The following CLEC16A variants were observed in gnomAD, a reference collection of about 807,000 sequenced individuals.
CLEC16A encodes C-type lectin domain containing 16A, also known as protein CLEC16A.
CLEC16A carries 51 observed loss-of-function variants against 109.5 expected under a neutral mutation model. The ratio of observed to expected loss-of-function variants is 0.47; its 90% confidence interval spans 0.37 to 0.59. The LOEUF is 0.59. Ranked by LOEUF, CLEC16A falls within the 20% of genes least tolerant of loss-of-function variation. The pLI, the probability that CLEC16A is intolerant of heterozygous loss-of-function variation, is 0.00. For synonymous variants in CLEC16A, 673 were observed against 564.2 expected, an observed-to-expected ratio of 1.19 and a Z score of -2.73; for missense variants, 1,339 against 1,394.0, an observed-to-expected ratio of 0.96 and a Z score of 0.63.
chr16:11,176,608 C>T (rs751082187), intron 23 of CLEC16A, among the ~76,000 whole-genome samples: 10 of 152,258 alleles, frequency 6.6e-5, no homozygotes, highest in East Asian at 1.9e-4. Flanking sequence ...TGTGGTGACA[C>T]GGGCCTGTAG....
intron 19 of CLEC16A, among the ~76,000 whole-genome samples, chr16:11,082,030 T>TA (rs1382386861): frequency 2.6e-5 from 4 of 151,938 alleles, no homozygotes; most frequent in Admixed American, 2.6e-4. Flanking sequence ...AGAATCCGTC[T>TA]AAAAAAAAGA....
rs35679277 is a variant in CLEC16A at position 11,026,645 on chromosome 16, GTTTT to G, written c.1537+1739_1537+1742del. Among the ~76,000 whole-genome samples, 672 of 106,432 alleles carry G rather than the reference GTTTT, an allele frequency of 6.3e-3. 5 individuals are homozygous for G. Among genetic ancestry groups the G allele is most frequent in the African/African-American group, 0.023 (640 of 27,362 alleles). 69.8% of individuals were successfully genotyped at this position (106,432 alleles called of 152,430 possible). Reference sequence around the variant, plus strand: ...ATTTCTGTTCTTATGTTTGTTTGGGGTTTTTTTTTTTTTTTTTTGCCTTCTGCTG... The same window carrying G: ...ATTTCTGTTCTTATGTTTGTTTGGGGTTTTTTTTTTTTTTGCCTTCTGCTG... On this transcript the variant is annotated intron_variant, in intron 13 of 23. Transcript: ENST00000409790.
intron 17 of CLEC16A, 96 bp downstream of exon 17, chr16:11,047,438 C>G: frequency 1.2e-6 from 1 of 832,868 alleles, no homozygotes; most frequent in Non-Finnish European, 1.8e-6. Flanking sequence ...TGACTTAGGG[C>G]TTTGTGACCA....
At chr16:10,981,168 T>TCA (rs1231142240) in intron 9 of CLEC16A, among the ~76,000 whole-genome samples, 1 of 152,228 alleles carries the variant, frequency 6.6e-6, no homozygotes, top group African/African-American at 2.4e-5. Context: ...TTGTAGGTGC[T>TCA]CACTGAATGC....
chr16:11,000,179 G>A (rs2044586024), intron 10 of CLEC16A, among the ~76,000 whole-genome samples: 1 of 152,116 alleles, frequency 6.6e-6, no homozygotes, highest in African/African-American at 2.4e-5. Flanking sequence ...TGGTTCTAGG[G>A]GGCCAGAATT....
chr16:10,953,471 T>A (rs2041833058), intron 1 of CLEC16A, among the ~76,000 whole-genome samples: 1 of 152,178 alleles, frequency 6.6e-6, no homozygotes, highest in Non-Finnish European at 1.5e-5. Flanking sequence ...TAAGAACCTC[T>A]TAAGCTTGAT....
At chr16:10,994,962 C>T (rs1021489177) in intron 10 of CLEC16A, among the ~76,000 whole-genome samples, 2 of 152,208 alleles carry the variant, frequency 1.3e-5, no homozygotes, top group African/African-American at 4.8e-5. Flanking sequence ...TGCACCTGGG[C>T]ACTGGGGCTA....
chr16:11,126,246 A>G (rs774074696), intron 22 of CLEC16A, 100 bp downstream of exon 22: 1 of 1,572,266 alleles, frequency 6.4e-7, no homozygotes, highest in Non-Finnish European at 8.6e-7. Flanking sequence ...TTCCTCTCTC[A>G]GAAGCCCCGT....
chr16:11,075,323 G>A (rs1338837892), intron 19 of CLEC16A, among the ~76,000 whole-genome samples: 1 of 152,046 alleles, frequency 6.6e-6, no homozygotes, highest in African/African-American at 2.4e-5. Context: ...CCAGGGAGGG[G>A]CAGGGGTCCT....
At chr16:11,070,087 T>C (rs1296685433) in intron 19 of CLEC16A, among the ~76,000 whole-genome samples, 2 of 151,976 alleles carry the variant, frequency 1.3e-5, no homozygotes, top group Admixed American at 1.3e-4. Context: ...TTTTTTTTTT[T>C]TGAGACGGAG....
At chr16:11,147,517 T>G (rs1170920861) in intron 22 of CLEC16A, among the ~76,000 whole-genome samples, 1 of 152,114 alleles carries the variant, frequency 6.6e-6, no homozygotes, top group Non-Finnish European at 1.5e-5. Flanking sequence ...CAGAGCAGGG[T>G]TAGGAGTAAA....
intron 18 of CLEC16A, among the ~76,000 whole-genome samples, chr16:11,058,026 T>C (rs538548613): frequency 3.3e-5 from 5 of 152,362 alleles, no homozygotes; most frequent in Admixed American, 2.6e-4. Flanking sequence ...TTATGGCTCT[T>C]ATGCTCATAT....
chr16:11,028,284 A>G (rs1485190385), intron 13 of CLEC16A, among the ~76,000 whole-genome samples: 1 of 152,364 alleles, frequency 6.6e-6, no homozygotes, highest in Non-Finnish European at 1.5e-5. Flanking sequence ...AGTGTTTTCT[A>G]CATTGGGTGC....
intron 6 of CLEC16A, 45 bp from the exon 7 acceptor site, chr16:10,972,892 TA>T: frequency 6.5e-7 from 1 of 1,542,274 alleles, no homozygotes; most frequent in Non-Finnish European, 8.7e-7. Flanking sequence ...TTCCCCAAGT[TA>T]TTTTTGGTAG....
At chr16:11,112,211 G>T (rs1315585112) in intron 19 of CLEC16A, among the ~76,000 whole-genome samples, 1 of 152,228 alleles carries the variant, frequency 6.6e-6, no homozygotes, top group East Asian at 1.9e-4. Context: ...AAAATGCACA[G>T]TGGACAGGCA....
At chr16:11,161,210 G>T (rs2054709761) in intron 22 of CLEC16A, among the ~76,000 whole-genome samples, 1 of 152,110 alleles carries the variant, frequency 6.6e-6, no homozygotes. Context: ...AAACATCTTT[G>T]CAGTCAAATT....
At chr16:11,135,037 CGTTCCTGCACAGGTTTGTCCCTGGT>C (rs1370024081) in intron 22 of CLEC16A, among the ~76,000 whole-genome samples, 1 of 152,232 alleles carries the variant, frequency 6.6e-6, no homozygotes, top group Admixed American at 6.5e-5. Flanking sequence ...GTGCAGGGCT[CGTTCCTGCACAGGTTTGTCCCTGGT>C]GTGCATGAAC....
chr16:11,147,026 C>G (rs931735272), intron 22 of CLEC16A, among the ~76,000 whole-genome samples: 1 of 152,120 alleles, frequency 6.6e-6, no homozygotes, highest in African/African-American at 2.4e-5. Flanking sequence ...GAAGGCTTCT[C>G]TGAGGAAAGG....
chr16:11,102,843 A>G (rs2050999240), intron 19 of CLEC16A, among the ~76,000 whole-genome samples: 1 of 152,260 alleles, frequency 6.6e-6, no homozygotes, highest in Non-Finnish European at 1.5e-5. Context: ...TTGAGTTTTC[A>G]TAGTAACACT....
Sources: allele counts gnomAD v4.1 joint callset (sites outside exome capture counted in the v4.1 genomes callset), GRCh38; gene constraint gnomAD v4.1.1; transcripts MANE v1.5; gene names NCBI Gene and HGNC (gene_info 2026-07-23, HGNC 2026-07-21).